Variants in ELOVL6 observed in about 807,000 individuals in gnomAD.
ELOVL6 encodes very long chain fatty acid elongase 6.
In ELOVL6, 8 loss-of-function variants were observed where a neutral mutation model predicts 31.7. That is an observed-to-expected ratio of 0.25 (90% CI 0.15 to 0.45). The LOEUF (loss-of-function observed/expected upper bound fraction) is 0.45. Among genes scored for constraint, ELOVL6 ranks in the 20% least tolerant of loss-of-function variants. The pLI is 1.00. For missense variants in ELOVL6, 126 were observed against 326.4 expected (o/e 0.39, Z 4.73); for synonymous variants, 101 against 117.7 (o/e 0.86, Z 0.92).
intron 2 of ELOVL6, among the ~76,000 whole-genome samples, chr4:110,102,080 A>G (rs1206367579): frequency 1.3e-5 from 2 of 152,186 alleles, no homozygotes; most frequent in Non-Finnish European, 2.9e-5. Flanking sequence ...AAGCATAGAG[A>G]AATCTCAATA....
intron 1 of ELOVL6, among the ~76,000 whole-genome samples, chr4:110,191,959 G>A (rs1423727213): frequency 6.6e-6 from 1 of 152,162 alleles, no homozygotes; most frequent in Non-Finnish European, 1.5e-5. Flanking sequence ...GGAGGCCGAG[G>A]TAGGTGGATC....
intron 1 of ELOVL6, among the ~76,000 whole-genome samples, chr4:110,180,290 A>G (rs1024768527): frequency 6.6e-6 from 1 of 152,222 alleles, no homozygotes; most frequent in Non-Finnish European, 1.5e-5. Context: ...GTCTCACTCT[A>G]ACAGCAGAAC....
At chr4:110,087,092 G>A (rs982649048) in intron 2 of ELOVL6, among the ~76,000 whole-genome samples, 9 of 152,124 alleles carry the variant, frequency 5.9e-5, no homozygotes, top group African/African-American at 2.2e-4. Flanking sequence ...TTTTAAACCA[G>A]GGTGTTCTTA....
Position 110,134,615 on chromosome 4 carries a change from ATGTT to A in ELOVL6, c.90-28991_90-28988del, listed in dbSNP as rs764375476. Among the ~76,000 whole-genome samples the A allele has an allele frequency of 9.2e-5, 14 of 152,154 alleles. No homozygotes were observed. In the East Asian group the frequency reaches 1.2e-3, roughly 13 times the overall value. On this transcript the variant is annotated intron_variant, in intron 1 of 3. Coordinates refer to ENST00000302274, the MANE Select transcript of ELOVL6 (RefSeq NM_024090.3). ...AACAACATGAAATAAAGGTTAGAGA[ATGTT>A]TGTGCAGAGAATGAAGACATTTGGC...
chr4:110,175,530 A>G (rs1759077426), intron 1 of ELOVL6, among the ~76,000 whole-genome samples: 1 of 152,230 alleles, frequency 6.6e-6, no homozygotes, highest in Non-Finnish European at 1.5e-5. Flanking sequence ...CAATGATAAC[A>G]ACATAACTAA....
At chr4:110,130,046 C>T (rs192273679) in intron 1 of ELOVL6, among the ~76,000 whole-genome samples, 4 of 151,728 alleles carry the variant, frequency 2.6e-5, no homozygotes, top group African/African-American at 4.8e-5. Context: ...TACAGTCATG[C>T]GCCACCATGC....
chr4:110,056,865 C>T (rs935005998), intron 3 of ELOVL6, among the ~76,000 whole-genome samples: 6 of 152,010 alleles, frequency 3.9e-5, no homozygotes, highest in Admixed American at 1.3e-4. Context: ...TTACAATGTC[C>T]GCTATGAGGC....
intron 3 of ELOVL6, among the ~76,000 whole-genome samples, chr4:110,055,997 G>A (rs1349557057): frequency 6.6e-6 from 1 of 152,074 alleles, no homozygotes; most frequent in Non-Finnish European, 1.5e-5. Flanking sequence ...AGTGTGGAAT[G>A]AGTAGCATTT....
intron 1 of ELOVL6, among the ~76,000 whole-genome samples, chr4:110,131,104 G>T (rs1371100049): frequency 6.6e-6 from 1 of 152,146 alleles, no homozygotes; most frequent in African/African-American, 2.4e-5. Flanking sequence ...CTTGGACATT[G>T]AACTGAAAAT....
rs1273452353 is a variant in ELOVL6 at position 110,047,135 on chromosome 4, T to A, written c.*4203A>T. The A allele has an allele frequency of 6.6e-6, 1 of 152,206 alleles. No individual in the cohort carries two copies. Among genetic ancestry groups the A allele is most frequent in the East Asian group, 1.9e-4 (1 of 5,198 alleles). 9.4% of individuals were successfully genotyped at this position (152,206 alleles called of 1,614,324 possible). ...ACTACTGGGACATTCTGGGTGCTTATAAAATTTTGACATGATATTATTTTT... is the reference window on the plus strand; with the variant it reads ...ACTACTGGGACATTCTGGGTGCTTAAAAAATTTTGACATGATATTATTTTT... On this transcript the variant is annotated 3_prime_UTR_variant, in exon 4 of 4. Transcript: ENST00000302274.
chr4:110,117,903 A>AAAAAAAAAAAAAAATT, intron 1 of ELOVL6: 3 of 6,502 alleles, frequency 4.6e-4, no homozygotes, highest in African/African-American at 9.8e-4. Flanking sequence ...AAAAAAAAAA[A>AAAAAAAAAAAAAAATT]ATATATATAT....
intron 3 of ELOVL6, among the ~76,000 whole-genome samples, chr4:110,055,075 AG>A (rs1560798814): frequency 1.3e-5 from 2 of 152,246 alleles, no homozygotes; most frequent in East Asian, 1.9e-4. Context: ...TCCCTCAGGC[AG>A]GGGGAAACTG....
intron 2 of ELOVL6, among the ~76,000 whole-genome samples, chr4:110,068,870 C>T (rs1755380622): frequency 2.0e-5 from 3 of 152,138 alleles, no homozygotes; most frequent in Non-Finnish European, 4.4e-5. Context: ...AGGCTGGGGT[C>T]CATGGCTCAC....
chr4:110,198,397 C>T lies in ELOVL6; in HGVS notation c.-62G>A. The T allele has an allele frequency of 9.4e-7, 1 of 1,063,440 alleles. No individual in the cohort carries two copies. Among genetic ancestry groups the T allele is most frequent in the East Asian group, 2.4e-5 (1 of 41,926 alleles). The allele number at this position is 1,063,440 out of a possible 1,614,324, so 65.9% of individuals were successfully genotyped here. ...ACAAAATAAAATAATCTGTAAAGCG[C>T]TTGATTTCGAGTGTTCTCCTGTCTG... On this transcript the variant is annotated 5_prime_UTR_variant, in exon 1 of 4. Coordinates refer to ENST00000302274, the MANE Select transcript of ELOVL6 (RefSeq NM_024090.3).
chr4:110,187,733 A>G (rs2126280546), intron 1 of ELOVL6, among the ~76,000 whole-genome samples: 1 of 152,054 alleles, frequency 6.6e-6, no homozygotes, highest in East Asian at 1.9e-4. Context: ...GATAGTACGT[A>G]AATCTGTTCA....
At chr4:110,080,652 AC>A (rs1465344309) in intron 2 of ELOVL6, among the ~76,000 whole-genome samples, 1 of 152,144 alleles carries the variant, frequency 6.6e-6, no homozygotes. Context: ...ATGGGCAAAA[AC>A]TGTAAGCATT....
At chr4:110,089,521 C>A (rs942913790) in intron 2 of ELOVL6, among the ~76,000 whole-genome samples, 1 of 152,086 alleles carries the variant, frequency 6.6e-6, no homozygotes, top group Non-Finnish European at 1.5e-5. Context: ...AGCTTATAAG[C>A]CTGGAATTGA....
intron 1 of ELOVL6, among the ~76,000 whole-genome samples, chr4:110,162,241 C>T (rs1476982533): frequency 6.6e-6 from 1 of 152,092 alleles, no homozygotes; most frequent in Non-Finnish European, 1.5e-5. Context: ...AACAGACAAC[C>T]AAAATTTTTT....
At chr4:110,168,310 T>C (rs1043348082) in intron 1 of ELOVL6, among the ~76,000 whole-genome samples, 4 of 151,810 alleles carry the variant, frequency 2.6e-5, no homozygotes. Flanking sequence ...AAGCCCAGAG[T>C]TCGAGACCGG....
Sources: gnomAD v4.1 joint callset for allele counts (sites outside exome capture counted in the v4.1 genomes callset) on GRCh38, gnomAD v4.1.1 for gene constraint, MANE v1.5 for transcripts, NCBI Gene and HGNC (gene_info 2026-07-23, HGNC 2026-07-21) for gene names.